Variants in SH3TC2 observed in about 807,000 individuals in gnomAD.
SH3TC2 encodes the protein SH3 domain and tetratricopeptide repeats 2.
In SH3TC2, 87 loss-of-function variants were observed where a neutral mutation model predicts 124.5. The ratio of observed to expected loss-of-function variants is 0.70; its 90% CI spans 0.59 to 0.84. The LOEUF is 0.84. Ranked by LOEUF, SH3TC2 falls within the 40% of genes least tolerant of loss-of-function variation. The pLI is 0.00. For synonymous variants in SH3TC2, 634 were observed against 628.5 expected (o/e 1.01, Z -0.13); for missense variants, 1,536 against 1,566.4 (o/e 0.98, Z 0.33).
intron 8 of SH3TC2, among the ~76,000 whole-genome samples, chr5:149,036,963 A>G (rs527452112): frequency 6.6e-6 from 1 of 152,146 alleles, no homozygotes; most frequent in African/African-American, 2.4e-5. Flanking sequence ...CTGATGATGC[A>G]TGCCTCCCCC....
At chr5:149,012,124 C>T (rs1440495276) in intron 13 of SH3TC2, among the ~76,000 whole-genome samples, 1 of 152,108 alleles carries the variant, frequency 6.6e-6, no homozygotes, top group East Asian at 1.9e-4. Flanking sequence ...AAAGCCCAGG[C>T]TTTTAACCAC....
chr5:148,992,600 G>GTTTTTTTTTTTTTTTTTTTTTGT lies in SH3TC2; in HGVS notation c.*12110_*12111insACAAAAAAAAAAAAAAAAAAAAA, dbSNP rs1753436786. Among the ~76,000 whole-genome samples, 1 of 102,500 alleles carries GTTTTTTTTTTTTTTTTTTTTTGT rather than the reference G, an allele frequency of 9.8e-6. No individual in the cohort carries two copies. Among genetic ancestry groups the GTTTTTTTTTTTTTTTTTTTTTGT allele is most frequent in the African/African-American group, 3.6e-5 (1 of 27,474 alleles). 67.2% of individuals were successfully genotyped at this position (102,500 alleles called of 152,430 possible). A position where few individuals can be genotyped will look rare whatever the true frequency, so the allele number is the denominator to read the frequency against. On this transcript the variant is annotated 3_prime_UTR_variant, in exon 17 of 17. Coordinates refer to ENST00000515425, the MANE Select transcript of SH3TC2 (RefSeq NM_024577.4). ...ATAATTCCAAGAAGAGATTTCATTG[G>GTTTTTTTTTTTTTTTTTTTTTGT]TTTTTTTTTTTTTTTTTTTTTTCAG...
At chr5:149,042,947 C>G (rs1754397878) in intron 4 of SH3TC2, 110 bp from the exon 5 acceptor site, 1 of 1,265,690 alleles carries the variant, frequency 7.9e-7, no homozygotes, top group Non-Finnish European at 1.1e-6. Flanking sequence ...ACCACAAGCC[C>G]CAACCTGCCA....
rs1753546733 is a variant in SH3TC2, at chr5:148,998,545, A to C, written c.*6166T>G. 6.6e-6 allele frequency among the ~76,000 whole-genome samples: 1 copy of C among 152,240 alleles called. No individual in the cohort carries two copies. On this transcript the variant is annotated 3_prime_UTR_variant, in exon 17 of 17. Coordinates refer to ENST00000515425, the MANE Select transcript of SH3TC2 (RefSeq NM_024577.4). ...AGTCAAAGGCAGCACTAGAAGTGGC[A>C]GCTGGGTTCTCACCTTTGAAATCGT...
chr5:148,994,919 G>A lies in SH3TC2; in HGVS notation c.*9792C>T, dbSNP rs1753484586. On this transcript the variant is annotated 3_prime_UTR_variant, in exon 17 of 17. Transcript: ENST00000515425. ...TTTTATCCACATCCCACAATACCATGAACTTATGATTTCCCAAGGAAAGAG... is the reference window on the plus strand; with the variant it reads ...TTTTATCCACATCCCACAATACCATAAACTTATGATTTCCCAAGGAAAGAG... Among the ~76,000 whole-genome samples, 1 of 152,124 alleles carries A rather than the reference G, an allele frequency of 6.6e-6. No homozygotes were observed. Among genetic ancestry groups the A allele is most frequent in the Admixed American group, 6.5e-5 (1 of 15,268 alleles).
intron 12 of SH3TC2, among the ~76,000 whole-genome samples, chr5:149,021,693 C>G (rs915902229): frequency 2.0e-5 from 3 of 151,756 alleles, no homozygotes; most frequent in Non-Finnish European, 4.4e-5. Flanking sequence ...AAGACAAAAA[C>G]TACCAAAACT....
chr5:149,028,424 T>G lies in SH3TC2; in HGVS notation c.1308A>C (p.Ser436=). The stretch of plus-strand genomic sequence containing the variant: ...CAGGCTCCGGCAGGCGATAGCTGTC[T>G]GAGGTGGCCGAGAGGAGCTCCTCCT... ...SLEEELLSAT[S]DSYRLPEPDD... The change falls in exon 11 of 17, where the codon TCA becomes TCC. Residue 436 remains serine, a synonymous_variant. Coordinates refer to ENST00000515425, the MANE Select transcript of SH3TC2 (RefSeq NM_024577.4). 1 of 1,613,696 alleles carries G rather than the reference T, an allele frequency of 6.2e-7. No homozygotes were observed. The highest frequency in any genetic ancestry group is 8.5e-7 in the Non-Finnish European group (1 of 1,179,776).
chr5:149,015,463 G>C (rs1753855170), intron 12 of SH3TC2, among the ~76,000 whole-genome samples: 1 of 152,182 alleles, frequency 6.6e-6, no homozygotes, highest in Admixed American at 6.5e-5. Context: ...GGCTTCCAAA[G>C]CCAAAGAAGC....
chr5:149,042,946 C>G, intron 4 of SH3TC2, 109 bp from the exon 5 acceptor site: 1 of 1,265,860 alleles, frequency 7.9e-7, no homozygotes, highest in South Asian at 1.2e-5. Flanking sequence ...GACCACAAGC[C>G]CCAACCTGCC....
chr5:149,041,680 A>G, intron 5 of SH3TC2, 63 bp from the exon 6 acceptor site: 1 of 1,550,322 alleles, frequency 6.5e-7, no homozygotes, highest in Admixed American at 1.7e-5. Context: ...ACGGATTATC[A>G]CACAAAGTAA....
chr5:149,025,278 C>T (rs1273418257), intron 12 of SH3TC2, among the ~76,000 whole-genome samples: 2 of 152,004 alleles, frequency 1.3e-5, no homozygotes, highest in Admixed American at 1.3e-4. Context: ...CTGATTCTTA[C>T]AAGACAGGGA....
rs144739309 is a variant in SH3TC2 at position 149,031,417 on chromosome 5, G to C, written c.1135+137C>G. On this transcript the variant is annotated intron_variant, in intron 9 of 16. Transcript: ENST00000515425. Reference sequence around the variant, plus strand: ...CTGCTAATCAAATATGATTCAGGTCGTCAACAGAATAGTGGTCATGGCCAC... The same window carrying C: ...CTGCTAATCAAATATGATTCAGGTCCTCAACAGAATAGTGGTCATGGCCAC... 6 of 1,141,118 alleles carry C rather than the reference G, an allele frequency of 5.3e-6. No individual in the cohort carries two copies. The East Asian group carries it at 9.4e-5, about 18-fold the overall frequency. 70.7% of individuals were successfully genotyped at this position (1,141,118 alleles called of 1,614,324 possible).
chr5:149,062,113 A>G (rs1476685793), intron 1 of SH3TC2, among the ~76,000 whole-genome samples: 2 of 152,146 alleles, frequency 1.3e-5, no homozygotes, highest in Non-Finnish European at 2.9e-5. Flanking sequence ...CTCAGGAACC[A>G]TGGTGGAGCT....
chr5:149,000,373 C>G lies in SH3TC2; in HGVS notation c.*4338G>C, dbSNP rs1006514670. 6.6e-6 allele frequency among the ~76,000 whole-genome samples: 1 copy of G among 152,190 alleles called. No homozygotes were observed. Among genetic ancestry groups the G allele is most frequent in the Non-Finnish European group, 1.5e-5 (1 of 68,040 alleles). On this transcript the variant is annotated 3_prime_UTR_variant, in exon 17 of 17. Coordinates refer to ENST00000515425, the MANE Select transcript of SH3TC2 (RefSeq NM_024577.4). ...TCTACACTCTCTGCCACTTATTAAT[C>G]TCTCTGTTTTCAAACAATGCCAGAT...
In SH3TC2 at chr5:149,002,091, G is replaced by A. The variant is rs1233802141; in HGVS notation, c.*2620C>T. The A allele has an allele frequency of 1.3e-5, 2 of 152,668 alleles. No homozygotes were observed. The highest frequency in any genetic ancestry group is 4.8e-5 in the African/African-American group (2 of 41,460). The allele number at this position is 152,668 out of a possible 1,614,324, so 9.5% of individuals were successfully genotyped here. On this transcript the variant is annotated 3_prime_UTR_variant, in exon 17 of 17. Coordinates refer to ENST00000515425, the MANE Select transcript of SH3TC2 (RefSeq NM_024577.4). Reference sequence around the variant, plus strand: ...CGGCCAATATCAAAAGCCTCATGCAGTTGTGGGAACTGCTCTTTCAGAGAA... The same window carrying A: ...CGGCCAATATCAAAAGCCTCATGCAATTGTGGGAACTGCTCTTTCAGAGAA...
At chr5:149,062,793 CT>C (rs1754776332) in intron 1 of SH3TC2, among the ~76,000 whole-genome samples, 177 bp downstream of exon 1, 1 of 152,206 alleles carries the variant, frequency 6.6e-6, no homozygotes, top group Admixed American at 6.5e-5. Flanking sequence ...GCTTTGCTCC[CT>C]TTTTACAGAG....
chr5:148,998,027 A>T lies in SH3TC2; in HGVS notation c.*6684T>A, dbSNP rs1010012868. ...GCCCTCCTGCACTTTTTTAGAGACC[A>T]CCCTCCAGGTCAGCACTTTTCAAAC... On this transcript the variant is annotated 3_prime_UTR_variant, in exon 17 of 17. Transcript: ENST00000515425. Among the ~76,000 whole-genome samples, 1 of 152,202 alleles carries T rather than the reference A, an allele frequency of 6.6e-6. No homozygotes were observed. Among genetic ancestry groups the T allele is most frequent in the Non-Finnish European group, 1.5e-5 (1 of 68,032 alleles).
chr5:149,026,915 G>T lies in SH3TC2; in HGVS notation c.2817C>A (p.Gly939=). The change falls in exon 11 of 17, where the codon GGC becomes GGA. Residue 939 remains glycine (G), a synonymous_variant. Coordinates refer to ENST00000515425, the MANE Select transcript of SH3TC2 (RefSeq NM_024577.4). ...VLVSGHQLTH[G]LLCYEMALLF... is the part of the protein sequence containing the mutation. ...GCAATGCCATTTCATAACAAAGAAG[G>T]CCATGGGTCAGCTGGTGTCCAGACA... is the stretch of plus-strand genomic sequence containing the variant. 3.1e-6 allele frequency: 5 copies of T among 1,614,160 alleles called. No individual in the cohort carries two copies. Among genetic ancestry groups the T allele is most frequent in the Non-Finnish European group, 4.2e-6 (5 of 1,180,040 alleles).
chr5:149,035,174 G>C (rs1188039506), intron 8 of SH3TC2, among the ~76,000 whole-genome samples: 1 of 152,112 alleles, frequency 6.6e-6, no homozygotes, highest in East Asian at 1.9e-4. Context: ...ACAAGAAATT[G>C]AATTATAAAG....
Sources: gnomAD v4.1 joint callset for allele counts (sites outside exome capture counted in the v4.1 genomes callset) on GRCh38, gnomAD v4.1.1 for gene constraint, MANE v1.5 for transcripts, NCBI Gene and HGNC (gene_info 2026-07-23, HGNC 2026-07-21) for gene names.